The following SCGB2B2 variants were observed in gnomAD, a reference collection of about 807,000 sequenced individuals.
SCGB2B2 encodes the protein secretoglobin-like protein.
Under a neutral mutation model 7.6 loss-of-function variants are expected in SCGB2B2, and 11 were observed. The ratio of observed to expected loss-of-function variants is 1.45; its 90% CI spans 0.91 to 2.40. The LOEUF (loss-of-function observed/expected upper bound fraction) is 2.40, where lower values mean the gene tolerates loss of function less well. Among genes scored for constraint, SCGB2B2 ranks in the 30% most tolerant of loss-of-function variants. The pLI is 0.00. For synonymous variants in SCGB2B2, 50 were observed against 48.6 expected (o/e 1.03, Z -0.12); for missense variants, 104 against 115.4 (o/e 0.90, Z 0.45).
intron 1 of SCGB2B2, among the ~76,000 whole-genome samples, chr19:34,601,243 CTGTT>C (rs1163018630): frequency 9.9e-5 from 15 of 152,228 alleles, no homozygotes; most frequent in Admixed American, 6.5e-4. Flanking sequence ...TCTCACTAGT[CTGTT>C]TGTCTGTCTC....
At chr19:34,619,486 T>G (rs957118516) in intron 1 of SCGB2B2, among the ~76,000 whole-genome samples, 1 of 152,328 alleles carries the variant, frequency 6.6e-6, no homozygotes, top group East Asian at 1.9e-4. Flanking sequence ...TAACCTTGGA[T>G]GCATGAAGTG....
rs753968261 is a variant in SCGB2B2, at chr19:34,612,022, C to CT, written c.-2031-15429dup. On this transcript the variant is annotated intron_variant, in intron 1 of 3. Coordinates refer to ENST00000601241, the MANE Select transcript of SCGB2B2 (RefSeq NM_001025591.4). ...TCATATATTTGTGTTTTAGAAAATT[C>CT]TTTTTTTTTTTTTTTTTTTTTTTTT... 1.9e-4 allele frequency among the ~76,000 whole-genome samples: 8 copies of CT among 41,774 alleles called. 2 individuals are homozygous for CT. In the Admixed American group the frequency reaches 2.8e-3, roughly 14 times the overall value. 27.4% of individuals were successfully genotyped at this position (41,774 alleles called of 152,430 possible).
At chr19:34,615,036 G>C (rs1207423110) in intron 1 of SCGB2B2, among the ~76,000 whole-genome samples, 3 of 152,178 alleles carry the variant, frequency 2.0e-5, no homozygotes, top group African/African-American at 7.2e-5. Context: ...GCTGCTCAAA[G>C]CTCAGCTTGG....
chr19:34,666,818 G>A (rs2067639131), intron 1 of SCGB2B2, among the ~76,000 whole-genome samples: 1 of 152,020 alleles, frequency 6.6e-6, no homozygotes, highest in South Asian at 2.1e-4. Context: ...GGAGACCCTG[G>A]GCTGCGCTGC....
chr19:34,632,016 G>A (rs878934946), intron 1 of SCGB2B2: 10 of 152,104 alleles, frequency 6.6e-5, no homozygotes, highest in African/African-American at 1.2e-4. Flanking sequence ...ACTGAAGATC[G>A]TGTTTTAAAG....
At chr19:34,642,259 G>T (rs1403425255) in intron 1 of SCGB2B2, among the ~76,000 whole-genome samples, 1 of 152,162 alleles carries the variant, frequency 6.6e-6, no homozygotes, top group Non-Finnish European at 1.5e-5. Flanking sequence ...TATCACTGGG[G>T]ACTCCTGCAA....
chr19:34,658,466 T>G (rs1426231840), intron 1 of SCGB2B2, among the ~76,000 whole-genome samples: 1 of 152,092 alleles, frequency 6.6e-6, no homozygotes, highest in Non-Finnish European at 1.5e-5. Flanking sequence ...GAGAACACTA[T>G]AAACACCTCT....
intron 1 of SCGB2B2, among the ~76,000 whole-genome samples, chr19:34,662,772 A>G (rs1218702254): frequency 6.6e-6 from 1 of 152,128 alleles, no homozygotes; most frequent in Non-Finnish European, 1.5e-5. Context: ...CTCTACTGAA[A>G]ATACAAAAAT....
chr19:34,594,282 GCTC>G lies in SCGB2B2; in HGVS notation c.136_138del (p.Glu46del). ...AGGGGACTGGGGTTGTAACGAGCAA[GCTC>G]CTCCTTCAGGAGGTCTTGGGACACA... On this transcript the variant is annotated inframe_deletion, in exon 3 of 4. Coordinates refer to ENST00000601241, the MANE Select transcript of SCGB2B2 (RefSeq NM_001025591.4). The G allele has an allele frequency of 3.1e-6, 5 of 1,613,966 alleles. No individual in the cohort carries two copies. Among genetic ancestry groups the G allele is most frequent in the Non-Finnish European group, 4.2e-6 (5 of 1,179,822 alleles).
At chr19:34,617,294 A>G (rs1389344192) in intron 1 of SCGB2B2, among the ~76,000 whole-genome samples, 5 of 114,260 alleles carry the variant, frequency 4.4e-5, no homozygotes, top group Admixed American at 2.5e-4. Context: ...CATTTTCACG[A>G]CATTGATTCT....
At chr19:34,646,231 T>C (rs1320899882) in intron 1 of SCGB2B2, 1 of 156,424 alleles carries the variant, frequency 6.4e-6, no homozygotes, top group Non-Finnish European at 1.4e-5. Context: ...CAGGGCCTCC[T>C]GCCTCACCTT....
chr19:34,596,937 C>T (rs1024414738), intron 1 of SCGB2B2, among the ~76,000 whole-genome samples: 1 of 151,892 alleles, frequency 6.6e-6, no homozygotes, highest in African/African-American at 2.4e-5. Flanking sequence ...GTGGAGCCAG[C>T]TGGAGGGGTC....
downstream of SCGB2B2, among the ~76,000 whole-genome samples, chr19:34,588,236 T>C (rs1181835688): frequency 2.0e-5 from 3 of 152,244 alleles, no homozygotes; most frequent in African/African-American, 7.2e-5. Flanking sequence ...TTTGATTTCT[T>C]TTCAGTTCAA....
chr19:34,650,483 T>C lies in SCGB2B2; in HGVS notation c.-2032+25147A>G, dbSNP rs1332334209. Among the ~76,000 whole-genome samples, 7 of 150,976 alleles carry C rather than the reference T, an allele frequency of 4.6e-5. No individual in the cohort carries two copies. In the East Asian group the frequency reaches 1.4e-3, roughly 29 times the overall value. Reference sequence around the variant, plus strand: ...ACAGTAGAGGCTGTTATGAACAATATGACAACAAATTAGAACACCTAGCAA... The same window carrying C: ...ACAGTAGAGGCTGTTATGAACAATACGACAACAAATTAGAACACCTAGCAA... On this transcript the variant is annotated intron_variant, in intron 1 of 3. Coordinates refer to ENST00000601241, the MANE Select transcript of SCGB2B2 (RefSeq NM_001025591.4).
chr19:34,660,601 C>T (rs984802453), intron 1 of SCGB2B2, among the ~76,000 whole-genome samples: 23 of 151,854 alleles, frequency 1.5e-4, no homozygotes, highest in South Asian at 4.2e-4. Flanking sequence ...GTTAGAATGG[C>T]GATCATTAAA....
At chr19:34,643,826 A>T (rs868716082) in intron 1 of SCGB2B2, among the ~76,000 whole-genome samples, 5 of 152,272 alleles carry the variant, frequency 3.3e-5, no homozygotes, top group Non-Finnish European at 7.4e-5. Flanking sequence ...TTTAAGGAGA[A>T]AAATTGGTAG....
At chr19:34,628,573 G>A (rs1218318177) in intron 1 of SCGB2B2, among the ~76,000 whole-genome samples, 5 of 151,826 alleles carry the variant, frequency 3.3e-5, no homozygotes, top group Non-Finnish European at 7.4e-5. Flanking sequence ...CCGGGAAGAA[G>A]TTGAATCCCT....
chr19:34,638,756 G>C (rs1308883398), intron 1 of SCGB2B2, among the ~76,000 whole-genome samples: 1 of 152,176 alleles, frequency 6.6e-6, no homozygotes, highest in African/African-American at 2.4e-5. Flanking sequence ...GGTAAAGGAA[G>C]CTTTTCATGA....
chr19:34,589,502 G>C (rs998543897), downstream of SCGB2B2, among the ~76,000 whole-genome samples: 1 of 152,170 alleles, frequency 6.6e-6, no homozygotes, highest in Non-Finnish European at 1.5e-5. Context: ...CCTATTAGTA[G>C]GTCAAGGAAC....
Sources: allele counts gnomAD v4.1 joint callset (sites outside exome capture counted in the v4.1 genomes callset), GRCh38; gene constraint gnomAD v4.1.1; transcripts MANE v1.5; gene names NCBI Gene and HGNC (gene_info 2026-07-23, HGNC 2026-07-21).